The following XKR8 variants were observed in gnomAD, a reference collection of about 807,000 sequenced individuals.
XKR8 encodes XK related 8.
XKR8 carries 10 observed loss-of-function variants against 17.1 expected under a neutral mutation model. The observed-to-expected ratio is 0.59, with a 90% CI of 0.36 to 0.99. The LOEUF is 0.99. Ranked by LOEUF, XKR8 falls within the 50% of genes least tolerant of loss-of-function variation. The pLI is 0.01. For missense variants in XKR8, 411 were observed against 515.6 expected (o/e 0.80, Z 1.96); for synonymous variants, 213 against 251.9 (o/e 0.85, Z 1.46).
At chr1:27,961,125 A>C (rs1004611258) in intron 1 of XKR8, among the ~76,000 whole-genome samples, 14 of 152,288 alleles carry the variant, frequency 9.2e-5, no homozygotes, top group African/African-American at 3.4e-4. Flanking sequence ...CTTCCCCCTG[A>C]AACTTGGCTT....
Position 27,959,990 on chromosome 1 carries a change from C to A in XKR8, c.-80C>A. The A allele has an allele frequency of 7.7e-7, 1 of 1,295,216 alleles. No homozygotes were observed. The highest frequency in any genetic ancestry group is 9.9e-7 in the Non-Finnish European group (1 of 1,008,840). 80.2% of individuals were successfully genotyped at this position (1,295,216 alleles called of 1,614,324 possible). ...GCCGCCCCGAGGGCTGCGCCCACCTCCTTCCTGCCTCGGCAACCCCGGGCC... is the reference window on the plus strand; with the variant it reads ...GCCGCCCCGAGGGCTGCGCCCACCTACTTCCTGCCTCGGCAACCCCGGGCC... On this transcript the variant is annotated 5_prime_UTR_variant, in exon 1 of 3. Transcript: ENST00000373884.
Position 27,967,250 on chromosome 1 carries a change from G to A in XKR8, c.*50G>A. 1 of 1,506,416 alleles carries A rather than the reference G, an allele frequency of 6.6e-7. No individual in the cohort carries two copies. The highest frequency in any genetic ancestry group is 8.9e-7 in the Non-Finnish European group (1 of 1,127,116). The allele number at this position is 1,506,416 out of a possible 1,614,324, so 93.3% of individuals were successfully genotyped here. On this transcript the variant is annotated 3_prime_UTR_variant, in exon 3 of 3. Transcript: ENST00000373884. The surrounding 1 kb of genome is among the most constrained non-coding windows in gnomAD (Gnocchi z 4.3). ...ATCAGACCCAGCCAGCAGAGATGGA[G>A]AGTGACTCTGTTGGCAGAAGGCAGG...
chr1:27,967,100 C>T lies in XKR8; in HGVS notation c.1088C>T (p.Pro363Leu). 1 of 1,613,864 alleles carries T rather than the reference C, an allele frequency of 6.2e-7. No individual in the cohort carries two copies. The highest frequency in any genetic ancestry group is 1.7e-5 in the Admixed American group (1 of 60,010). The part of the protein sequence containing the change: ...QVDGARSLLS[P>L]EGYQLPQNRR... ...GACGGGGCCCGGAGTCTGCTTTCTC[C>T]AGAGGGGTATCAGCTGCCTCAGAAC... is the stretch of plus-strand genomic sequence containing the variant. Residue 363 changes from proline (P) to leucine (L), a missense_variant, in exon 3 of 3, where the codon CCA becomes CTA. Physicochemically the swap from Pro to Leu is moderately conservative, Grantham distance 98. Coordinates refer to ENST00000373884, the MANE Select transcript of XKR8 (RefSeq NM_018053.4). This position sits in a 1 kb window ranked among gnomAD's most constrained non-coding sequence, Gnocchi z 4.3.
rs78664461 is a variant in XKR8 at position 27,960,753 on chromosome 1, C to G, written c.293+391C>G. Among the ~76,000 whole-genome samples the G allele has an allele frequency of 0.021, 3,158 of 152,310 alleles. 48 individuals carry two copies. Among genetic ancestry groups the G allele is most frequent in the Non-Finnish European group, 0.025 (1,726 of 68,018 alleles). ...CCTGAGACAGGTGTGACGGGCAGGC[C>G]TGTTGTGAAGAGTGAGCGAAAGAAT... On this transcript the variant is annotated intron_variant, in intron 1 of 2. Coordinates refer to ENST00000373884, the MANE Select transcript of XKR8 (RefSeq NM_018053.4). The surrounding 1 kb of genome is among the most constrained non-coding windows in gnomAD (Gnocchi z 5.9).
In XKR8 at chr1:27,967,036, C is replaced by T. The variant is rs1638589423; in HGVS notation, c.1024C>T (p.His342Tyr). 1.2e-6 allele frequency: 2 copies of T among 1,614,054 alleles called. No individual in the cohort carries two copies. The highest frequency in any genetic ancestry group is 8.5e-7 in the Non-Finnish European group (1 of 1,179,958). ...ALRLVYYHWL[H>Y]PSCCWKPDPD... ...GCGGCTTGTGTACTACCACTGGCTGCACCCTAGCTGCTGCTGGAAGCCCGA... is the reference window on the plus strand; with the variant it reads ...GCGGCTTGTGTACTACCACTGGCTGTACCCTAGCTGCTGCTGGAAGCCCGA... Residue 342 changes from histidine to tyrosine, a missense_variant, in exon 3 of 3, where the codon CAC (histidine) becomes TAC (tyrosine). His to Tyr is a moderately conservative substitution (Grantham distance 83). Coordinates refer to ENST00000373884, the MANE Select transcript of XKR8 (RefSeq NM_018053.4). The surrounding 1 kb of genome is among the most constrained non-coding windows in gnomAD (Gnocchi z 4.3).
At position 27,966,519 on chromosome 1, in the gene XKR8, A is replaced by C. The variant is rs769048714; in HGVS notation, c.507A>C (p.Thr169=). ...TCTTTGCAGGGGTTGGCATCTGCAC[A>C]TCCTTCCTGGGCATCTCGTGGGCAC... The part of the protein sequence containing the change: ...AEYYQWVGIC[T]SFLGISWALL... The change falls in exon 3 of 3, where the codon ACA becomes ACC. Residue 169 remains threonine (T), a synonymous_variant. Transcript: ENST00000373884. The surrounding 1 kb of genome is among the most constrained non-coding windows in gnomAD (Gnocchi z 4.3). The C allele has an allele frequency of 1.2e-6, 2 of 1,612,676 alleles. No homozygotes were observed. The highest frequency in any genetic ancestry group is 1.7e-6 in the Non-Finnish European group (2 of 1,179,274).
rs1268867222 is a variant in XKR8 at position 27,960,377 on chromosome 1, C to G, written c.293+15C>G. 3 of 1,361,836 alleles carry G rather than the reference C, an allele frequency of 2.2e-6. No homozygotes were observed. The allele number at this position is 1,361,836 out of a possible 1,614,324, so 84.4% of individuals were successfully genotyped here. ...TACCTGTACAGGTGAGTGCTTCGCC[C>G]CGGGAGGGGAGGAGTGTCGGAGCCC... On this transcript the variant is annotated intron_variant, in intron 1 of 2. Coordinates refer to ENST00000373884, the MANE Select transcript of XKR8 (RefSeq NM_018053.4). This position sits in a 1 kb window ranked among gnomAD's most constrained non-coding sequence, Gnocchi z 5.9.
Position 27,960,255 on chromosome 1 carries a change from C to T in XKR8, c.186C>T (p.Leu62=). Residue 62 remains leucine, a synonymous_variant, in exon 1 of 3, where the codon CTC becomes CTT. Coordinates refer to ENST00000373884, the MANE Select transcript of XKR8 (RefSeq NM_018053.4). This position sits in a 1 kb window ranked among gnomAD's most constrained non-coding sequence, Gnocchi z 5.9. The part of the protein sequence containing the change: ...LLGLASVALQ[L]FSWLWLRADP... Reference sequence around the variant, plus strand: ...GCCTGGCCTCCGTGGCGCTGCAGCTCTTCAGCTGGCTCTGGCTGCGCGCTG... The same window carrying T: ...GCCTGGCCTCCGTGGCGCTGCAGCTTTTCAGCTGGCTCTGGCTGCGCGCTG... 1.3e-6 allele frequency: 2 copies of T among 1,523,526 alleles called. No individual in the cohort carries two copies. The allele number at this position is 1,523,526 out of a possible 1,614,324, so 94.4% of individuals were successfully genotyped here. A position where few individuals can be genotyped will look rare whatever the true frequency, so the allele number is the denominator to read the frequency against.
Position 27,960,817 on chromosome 1 carries a change from G to A in XKR8, c.293+455G>A, listed in dbSNP as rs1203156972. On this transcript the variant is annotated intron_variant, in intron 1 of 2. Transcript: ENST00000373884. This position sits in a 1 kb window ranked among gnomAD's most constrained non-coding sequence, Gnocchi z 5.9. ...GCACAGTGCCTGGCCTGTAATGGCA[G>A]GGGCTGCGGACTCAGTTCAGCATCC... Among the ~76,000 whole-genome samples, 2 of 152,246 alleles carry A rather than the reference G, an allele frequency of 1.3e-5. No individual in the cohort carries two copies. Among genetic ancestry groups the A allele is most frequent in the Non-Finnish European group, 2.9e-5 (2 of 68,034 alleles).
At position 27,967,587 on chromosome 1, in the gene XKR8, C is replaced by T. The variant is rs575642988; in HGVS notation, c.*387C>T. On this transcript the variant is annotated 3_prime_UTR_variant, in exon 3 of 3. Transcript: ENST00000373884. This position sits in a 1 kb window ranked among gnomAD's most constrained non-coding sequence, Gnocchi z 4.3. Reference sequence around the variant, plus strand: ...GGTGCTGCCCCACCCCTTAGCTCCCCTATCCTGGGCTAGGAGGCCACAGGG... The same window carrying T: ...GGTGCTGCCCCACCCCTTAGCTCCCTTATCCTGGGCTAGGAGGCCACAGGG... 3 of 164,222 alleles carry T rather than the reference C, an allele frequency of 1.8e-5. No individual in the cohort carries two copies. The highest frequency in any genetic ancestry group is 2.6e-5 in the Non-Finnish European group (2 of 76,056). The allele number at this position is 164,222 out of a possible 1,614,324, so 10.2% of individuals were successfully genotyped here. A position where few individuals can be genotyped will look rare whatever the true frequency, so the allele number is the denominator to read the frequency against.
rs145077492 is a variant in XKR8 at position 27,966,917 on chromosome 1, C to T, written c.905C>T (p.Thr302Ile). The change falls in exon 3 of 3, where the codon ACC becomes ATC. Residue 302 changes from threonine (T) to isoleucine (I), a missense_variant. Transcript: ENST00000373884. This position sits in a 1 kb window ranked among gnomAD's most constrained non-coding sequence, Gnocchi z 4.3. ...AGTGACAGCATTCTCCTGGTGGCCACCTGGGTGACTCATAGCTCCTGGCTG... is the reference window on the plus strand; with the variant it reads ...AGTGACAGCATTCTCCTGGTGGCCATCTGGGTGACTCATAGCTCCTGGCTG... ...LLSDSILLVA[T>I]WVTHSSWLPS... 1.2e-5 allele frequency: 20 copies of T among 1,614,218 alleles called. No homozygotes were observed. The highest frequency in any genetic ancestry group is 1.7e-5 in the Non-Finnish European group (20 of 1,180,040).
chr1:27,966,560 G>T lies in XKR8; in HGVS notation c.548G>T (p.Arg183Leu). The change falls in exon 3 of 3, where the codon CGG (arginine) becomes CTG (leucine). Residue 183 changes from arginine (R) to leucine (L), a missense_variant. Physicochemically the swap from Arg to Leu is moderately radical, Grantham distance 102. Coordinates refer to ENST00000373884, the MANE Select transcript of XKR8 (RefSeq NM_018053.4). The surrounding 1 kb of genome is among the most constrained non-coding windows in gnomAD (Gnocchi z 4.3). ...GISWALLDYHRALRTCLPSKP... is the reference protein window; with the variant it reads ...GISWALLDYHLALRTCLPSKP... ...TCGTGGGCACTGCTCGACTACCACC[G>T]GGCCTTGCGCACCTGCCTCCCCTCC... The T allele has an allele frequency of 6.2e-7, 1 of 1,614,006 alleles. No homozygotes were observed. The highest frequency in any genetic ancestry group is 8.5e-7 in the Non-Finnish European group (1 of 1,179,980).
chr1:27,963,256 G>A (rs759679507), intron 1 of XKR8, among the ~76,000 whole-genome samples: 11 of 152,186 alleles, frequency 7.2e-5, no homozygotes, highest in Admixed American at 1.3e-4. Flanking sequence ...TCCTGAACTC[G>A]TGATCAGCCC....
In XKR8 at chr1:27,966,592, C is replaced by T. The variant is rs1638575115; in HGVS notation, c.580C>T (p.Leu194Phe). 2 of 1,614,170 alleles carry T rather than the reference C, an allele frequency of 1.2e-6. No individual in the cohort carries two copies. Among genetic ancestry groups the T allele is most frequent in the African/African-American group, 1.3e-5 (1 of 75,020 alleles). ...GCGCACCTGCCTCCCCTCCAAGCCG[C>T]TCCTGGGCCTGGGCTCCTCCGTGAT... ...ALRTCLPSKP[L>F]LGLGSSVIYF... The change falls in exon 3 of 3, where the codon CTC becomes TTC. Residue 194 changes from leucine to phenylalanine, a missense_variant. Leu to Phe is a conservative substitution (Grantham distance 22, BLOSUM62 0). Coordinates refer to ENST00000373884, the MANE Select transcript of XKR8 (RefSeq NM_018053.4). This position sits in a 1 kb window ranked among gnomAD's most constrained non-coding sequence, Gnocchi z 4.3.
rs1638588728 is a variant in XKR8 at position 27,967,007 on chromosome 1, C to G, written c.995C>G (p.Ala332Gly). 1 of 1,614,040 alleles carries G rather than the reference C, an allele frequency of 6.2e-7. No homozygotes were observed. The highest frequency in any genetic ancestry group is 1.7e-5 in the Admixed American group (1 of 60,012). ...TGCGGCTGCTTCTTTCTGGGCCTGGCTCTGCGGCTTGTGTACTACCACTGG... is the reference window on the plus strand; with the variant it reads ...TGCGGCTGCTTCTTTCTGGGCCTGGGTCTGCGGCTTGTGTACTACCACTGG... The part of the protein sequence containing the change: ...VGCGCFFLGL[A>G]LRLVYYHWLH... The change falls in exon 3 of 3, where the codon GCT becomes GGT. Residue 332 changes from alanine to glycine, a missense_variant. By Grantham distance (60) the Ala-to-Gly change is moderately conservative (BLOSUM62 0). Transcript: ENST00000373884. The surrounding 1 kb of genome is among the most constrained non-coding windows in gnomAD (Gnocchi z 4.3).
chr1:27,963,144 C>G (rs906134653), intron 1 of XKR8, among the ~76,000 whole-genome samples: 1 of 152,186 alleles, frequency 6.6e-6, no homozygotes, highest in Non-Finnish European at 1.5e-5. Flanking sequence ...CTGCCTCAGC[C>G]TCCTGAGTAG....
intron 1 of XKR8, among the ~76,000 whole-genome samples, chr1:27,962,600 AAGAG>A (rs566737986): frequency 1.8e-3 from 267 of 151,798 alleles, no homozygotes; most frequent in South Asian, 8.1e-3. Context: ...GAAAAAAAAA[AAGAG>A]AGAGAGAGGC....
intron 1 of XKR8, 75 bp from the exon 2 acceptor site, chr1:27,963,422 C>A: frequency 6.6e-7 from 1 of 1,520,166 alleles, no homozygotes; most frequent in Non-Finnish European, 8.9e-7. Flanking sequence ...TGTGTCCACT[C>A]ATTAGATGGG....
rs546223997 is a variant in XKR8, at chr1:27,960,213, G to A, written c.144G>A (p.Leu48=). The change falls in exon 1 of 3, where the codon CTG becomes CTA. Residue 48 remains leucine (L), a synonymous_variant. Coordinates refer to ENST00000373884, the MANE Select transcript of XKR8 (RefSeq NM_018053.4). This position sits in a 1 kb window ranked among gnomAD's most constrained non-coding sequence, Gnocchi z 5.9. ...ALGGRYLWAA[L]VLALLGLASV... is the part of the protein sequence containing the mutation. ...GCGGCCGCTACCTGTGGGCGGCGCT[G>A]GTGCTGGCGCTGCTGGGCCTGGCCT... The A allele has an allele frequency of 2.6e-6, 4 of 1,526,742 alleles. No homozygotes were observed. The African/African-American group carries it at 5.6e-5, about 21-fold the overall frequency. The allele number at this position is 1,526,742 out of a possible 1,614,324, so 94.6% of individuals were successfully genotyped here. A position where few individuals can be genotyped will look rare whatever the true frequency, so the allele number is the denominator to read the frequency against.
Sources: allele counts gnomAD v4.1 joint callset (sites outside exome capture counted in the v4.1 genomes callset), GRCh38; gene constraint gnomAD v4.1.1; non-coding constraint Gnocchi (gnomAD v3.1); transcripts MANE v1.5; gene names NCBI Gene and HGNC (gene_info 2026-07-23, HGNC 2026-07-21).